Variants in NDST4 observed in about 807,000 individuals in gnomAD.
NDST4 encodes N-deacetylase and N-sulfotransferase 4, also known as N-heparan sulfate sulfotransferase 4.
A neutral mutation model predicts 100.8 loss-of-function variants in NDST4; 63 were observed. The observed-to-expected ratio is 0.62, with a 90% confidence interval of 0.51 to 0.77. The LOEUF (loss-of-function observed/expected upper bound fraction) is 0.77. Among genes scored for constraint, NDST4 ranks in the 30% least tolerant of loss-of-function variants. The pLI is 0.00. For synonymous variants in NDST4, 377 were observed against 361.8 expected (o/e 1.04, Z -0.48); for missense variants, 943 against 1,018.4 (o/e 0.93, Z 1.01).
At chr4:115,106,998 GA>G (rs1238285101) in intron 1 of NDST4, among the ~76,000 whole-genome samples, 1 of 151,878 alleles carries the variant, frequency 6.6e-6, no homozygotes, top group Non-Finnish European at 1.5e-5. Context: ...CAAAAAATAT[GA>G]ATAATAAAAT....
At chr4:115,048,557 A>T (rs1057327131) in intron 2 of NDST4, among the ~76,000 whole-genome samples, 1 of 152,148 alleles carries the variant, frequency 6.6e-6, no homozygotes, top group Admixed American at 6.6e-5. Context: ...TTAAGGCTTG[A>T]TTACACGCGT....
At chr4:115,060,333 T>C (rs1246607997) in intron 2 of NDST4, among the ~76,000 whole-genome samples, 1 of 152,004 alleles carries the variant, frequency 6.6e-6, no homozygotes, top group Admixed American at 6.6e-5. Flanking sequence ...CTCTATTTAC[T>C]GTAGATTTCT....
At chr4:114,929,828 G>A (rs75578945) in intron 6 of NDST4, among the ~76,000 whole-genome samples, 12,840 of 152,074 alleles carry the variant, frequency 0.084, 924 homozygotes, top group East Asian at 0.4. Flanking sequence ...AAAATATTTA[G>A]AAACAGATGC....
chr4:115,097,854 C>G (rs565596858), intron 1 of NDST4, among the ~76,000 whole-genome samples: 1 of 152,308 alleles, frequency 6.6e-6, no homozygotes, highest in South Asian at 2.1e-4. Context: ...TCCAAACATG[C>G]TGTGTTCTTT....
chr4:114,913,144 AT>A (rs5861197), intron 6 of NDST4, among the ~76,000 whole-genome samples: 45,644 of 151,358 alleles, frequency 0.3, 9,249 homozygotes, highest in African/African-American at 0.58. Context: ...ATAAAATTAT[AT>A]TTTTTTTCAA....
chr4:114,969,038 C>T (rs1452977062), intron 4 of NDST4, among the ~76,000 whole-genome samples: 1 of 152,188 alleles, frequency 6.6e-6, no homozygotes, highest in African/African-American at 2.4e-5. Context: ...TGGCTCCAAA[C>T]ATTCAACTCA....
intron 6 of NDST4, among the ~76,000 whole-genome samples, chr4:114,907,135 A>T (rs1372652496): frequency 1.3e-5 from 2 of 152,146 alleles, no homozygotes; most frequent in Non-Finnish European, 2.9e-5. Context: ...AAATTTTCTG[A>T]AACTCAGGGA....
At chr4:114,943,926 A>G (rs527410627) in intron 4 of NDST4, among the ~76,000 whole-genome samples, 93 of 152,298 alleles carry the variant, frequency 6.1e-4, no homozygotes, top group African/African-American at 2.2e-3. Flanking sequence ...TGTTGAGAAA[A>G]GGTACATAGA....
chr4:115,102,324 T>C (rs1248480389), intron 1 of NDST4, among the ~76,000 whole-genome samples: 1 of 152,144 alleles, frequency 6.6e-6, no homozygotes, highest in Non-Finnish European at 1.5e-5. Flanking sequence ...AACCAGAATG[T>C]AGAAATTTGC....
chr4:114,948,559 T>C (rs1037735453), intron 4 of NDST4, among the ~76,000 whole-genome samples: 2 of 152,118 alleles, frequency 1.3e-5, no homozygotes, highest in African/African-American at 4.8e-5. Context: ...ACTAAAATCA[T>C]ATGAATTATT....
At chr4:114,916,536 CTGTGTGTGTGTGTGTG>C (rs537961796) in intron 6 of NDST4, among the ~76,000 whole-genome samples, 1,458 of 129,112 alleles carry the variant, frequency 0.011, 20 homozygotes, top group East Asian at 0.026. Flanking sequence ...CTGGTAGGCT[CTGTGTGTGTGTGTGTG>C]TGTGTGTGTG....
chr4:114,845,304 C>T (rs1716014474), intron 10 of NDST4, among the ~76,000 whole-genome samples: 1 of 152,144 alleles, frequency 6.6e-6, no homozygotes, highest in African/African-American at 2.4e-5. Flanking sequence ...TGCACGCCAG[C>T]CTGGGTAATA....
intron 4 of NDST4, among the ~76,000 whole-genome samples, chr4:114,942,003 A>C (rs1042377160): frequency 6.6e-6 from 1 of 152,174 alleles, no homozygotes; most frequent in Non-Finnish European, 1.5e-5. Flanking sequence ...AATTTGGTAA[A>C]ACACTGCTCA....
chr4:114,853,178 A>G, intron 7 of NDST4, among the ~76,000 whole-genome samples: 1 of 152,032 alleles, frequency 6.6e-6, no homozygotes, highest in Admixed American at 6.6e-5. Context: ...TGTTCTCCCT[A>G]ATCATTCCTA....
chr4:115,022,402 TC>T (rs1297498762), intron 2 of NDST4, among the ~76,000 whole-genome samples: 2 of 147,198 alleles, frequency 1.4e-5, no homozygotes, highest in Non-Finnish European at 3.0e-5. Flanking sequence ...ATATATGTGT[TC>T]CATATATATG....
At chr4:114,902,589 G>A (rs1310609787) in intron 6 of NDST4, among the ~76,000 whole-genome samples, 1 of 151,940 alleles carries the variant, frequency 6.6e-6, no homozygotes, top group Non-Finnish European at 1.5e-5. Context: ...TGAGGTTCCT[G>A]GATCTCTGGT....
intron 10 of NDST4, 85 bp from the exon 11 acceptor site, chr4:114,839,633 G>A (rs1723384905): frequency 2.5e-6 from 3 of 1,183,054 alleles, no homozygotes; most frequent in Non-Finnish European, 1.2e-6. Flanking sequence ...GCACATGCAT[G>A]TGTGTGTTTG....
At chr4:114,980,991 T>C (rs1235779684) in intron 2 of NDST4, among the ~76,000 whole-genome samples, 1 of 151,818 alleles carries the variant, frequency 6.6e-6, no homozygotes, top group Admixed American at 6.6e-5. Flanking sequence ...GCTGGGAGGA[T>C]TGCTTGAGCT....
intron 2 of NDST4, among the ~76,000 whole-genome samples, chr4:115,065,034 T>C (rs1728915900): frequency 6.6e-6 from 1 of 152,184 alleles, no homozygotes; most frequent in South Asian, 2.1e-4. Flanking sequence ...TACATTTTAA[T>C]GAACACATCC....
Sources: allele counts gnomAD v4.1 joint callset (sites outside exome capture counted in the v4.1 genomes callset), GRCh38; gene constraint gnomAD v4.1.1; transcripts MANE v1.5; gene names NCBI Gene and HGNC (gene_info 2026-07-23, HGNC 2026-07-21).